The following CTIF variants were observed in gnomAD, a reference collection of about 807,000 sequenced individuals.
CTIF encodes CBP80/20-dependent translation initiation factor.
CTIF carries 21 observed loss-of-function variants against 66.0 expected under a neutral mutation model. The observed-to-expected ratio is 0.32, with a 90% CI of 0.23 to 0.46. The LOEUF (loss-of-function observed/expected upper bound fraction) is 0.46. Ranked by LOEUF, CTIF falls within the 20% of genes least tolerant of loss-of-function variation. The pLI, the probability that CTIF is intolerant of heterozygous loss-of-function variation, is 1.00. For synonymous variants in CTIF, 345 were observed against 326.4 expected, an observed-to-expected ratio of 1.06 and a Z score of -0.62; for missense variants, 739 against 812.7, an observed-to-expected ratio of 0.91 and a Z score of 1.10.
chr18:48,725,582 C>T (rs1038463699), intron 7 of CTIF, among the ~76,000 whole-genome samples: 5 of 152,152 alleles, frequency 3.3e-5, no homozygotes, highest in East Asian at 1.9e-4. Flanking sequence ...TACTCTCATG[C>T]GGCCCCTTTT....
chr18:48,820,032 G>C (rs559827428), intron 10 of CTIF, among the ~76,000 whole-genome samples: 36 of 152,320 alleles, frequency 2.4e-4, no homozygotes, highest in African/African-American at 8.4e-4. Context: ...CATCTAGGCT[G>C]ATGGGGCCTA....
At chr18:48,673,989 G>A (rs74396806) in intron 6 of CTIF, among the ~76,000 whole-genome samples, 1,648 of 152,228 alleles carry the variant, frequency 0.011, 12 homozygotes, top group Middle Eastern at 0.037. Context: ...ACATGCCCCC[G>A]CCCCAACTGC....
rs569023832 is a variant in CTIF, at chr18:48,592,983, T to C, written c.-28-26555T>C. On this transcript the variant is annotated intron_variant, in intron 1 of 11. Transcript: ENST00000256413. ...GGCCCAGAAGCAGTGGAACCACAGCTGGGCTGGTGTCTATACAGCCCATGT... is the reference window on the plus strand; with the variant it reads ...GGCCCAGAAGCAGTGGAACCACAGCCGGGCTGGTGTCTATACAGCCCATGT... Among the ~76,000 whole-genome samples, 104 of 152,362 alleles carry C rather than the reference T, an allele frequency of 6.8e-4. 1 individual carries two copies. Among genetic ancestry groups the C allele is most frequent in the African/African-American group, 2.5e-3 (102 of 41,592 alleles).
chr18:48,654,249 G>A (rs1440188212), intron 3 of CTIF, among the ~76,000 whole-genome samples: 2 of 151,966 alleles, frequency 1.3e-5, no homozygotes, highest in Admixed American at 1.3e-4. Context: ...CTAATATTCA[G>A]AATCTACAAA....
At chr18:48,788,149 G>A (rs1317149393) in intron 9 of CTIF, among the ~76,000 whole-genome samples, 1 of 152,172 alleles carries the variant, frequency 6.6e-6, no homozygotes, top group Non-Finnish European at 1.5e-5. Context: ...TAGCCTTTAG[G>A]CTGGGGGGAG....
chr18:48,733,224 C>T (rs753118332), intron 7 of CTIF, among the ~76,000 whole-genome samples: 1 of 142,624 alleles, frequency 7.0e-6, no homozygotes, highest in Non-Finnish European at 1.6e-5. Flanking sequence ...AGGGAGGAGG[C>T]GAGGAGGGGC....
intron 9 of CTIF, among the ~76,000 whole-genome samples, chr18:48,797,800 G>A (rs62103291): frequency 6.6e-6 from 1 of 152,120 alleles, no homozygotes; most frequent in Non-Finnish European, 1.5e-5. Flanking sequence ...ACCTGTGTGA[G>A]GTAACAGGGA....
At chr18:48,685,803 A>G (rs1209104466) in intron 6 of CTIF, among the ~76,000 whole-genome samples, 1 of 151,846 alleles carries the variant, frequency 6.6e-6, no homozygotes, top group Non-Finnish European at 1.5e-5. Flanking sequence ...CAGCCTCCCA[A>G]GTAGCTGGGA....
At position 48,559,524 on chromosome 18, in the gene CTIF, A is replaced by G. The variant is rs1192069212; in HGVS notation, c.-29+20212A>G. 4.6e-5 allele frequency among the ~76,000 whole-genome samples: 7 copies of G among 152,218 alleles called. No homozygotes were observed. In the East Asian group the frequency reaches 1.2e-3, roughly 25 times the overall value. ...CCAAAACTTAGTGGCTTAAACAGCA[A>G]TAATCCTTTGTCCTGCTCATGAGTC... On this transcript the variant is annotated intron_variant, in intron 1 of 11. Coordinates refer to ENST00000256413, the MANE Select transcript of CTIF (RefSeq NM_014772.3).
chr18:48,799,631 T>C (rs181206029), intron 9 of CTIF, among the ~76,000 whole-genome samples: 2 of 152,252 alleles, frequency 1.3e-5, no homozygotes, highest in African/African-American at 2.4e-5. Flanking sequence ...AATTTCATTT[T>C]CATGCCTTCT....
rs1385975193 is a variant in CTIF, at chr18:48,661,281, A to G, written c.253-2471A>G. Among the ~76,000 whole-genome samples, 3 of 152,236 alleles carry G rather than the reference A, an allele frequency of 2.0e-5. No homozygotes were observed. The East Asian group carries it at 5.8e-4, about 29-fold the overall frequency. ...TTTAACAGATCAGGGATTAGGGAAGACACGTGTGGAGGAGAGGCTTCAGGT... is the reference window on the plus strand; with the variant it reads ...TTTAACAGATCAGGGATTAGGGAAGGCACGTGTGGAGGAGAGGCTTCAGGT... On this transcript the variant is annotated intron_variant, in intron 3 of 11. Coordinates refer to ENST00000256413, the MANE Select transcript of CTIF (RefSeq NM_014772.3).
At chr18:48,692,168 A>G (rs2091936012) in intron 6 of CTIF, among the ~76,000 whole-genome samples, 1 of 152,174 alleles carries the variant, frequency 6.6e-6, no homozygotes, top group Non-Finnish European at 1.5e-5. Context: ...ACTAAATGAG[A>G]CTTAAGTTTT....
chr18:48,678,710 GCCT>G (rs1287979563), intron 6 of CTIF, among the ~76,000 whole-genome samples: 1 of 151,874 alleles, frequency 6.6e-6, no homozygotes, highest in Non-Finnish European at 1.5e-5. Flanking sequence ...TTCCACGCGG[GCCT>G]CCTCCTGCTC....
intron 7 of CTIF, among the ~76,000 whole-genome samples, chr18:48,738,054 GCCC>G (rs2092519447): frequency 6.6e-6 from 1 of 152,074 alleles, no homozygotes; most frequent in Non-Finnish European, 1.5e-5. Context: ...CCCCAAGCCT[GCCC>G]CACTCCCTCT....
intron 3 of CTIF, among the ~76,000 whole-genome samples, chr18:48,661,235 G>A (rs927813643): frequency 6.6e-6 from 1 of 152,220 alleles, no homozygotes; most frequent in Admixed American, 6.5e-5. Flanking sequence ...TGAATTTATA[G>A]GCGCCAGAGA....
chr18:48,860,211 G>C lies in CTIF; in HGVS notation c.*652G>C. On this transcript the variant is annotated 3_prime_UTR_variant, in exon 12 of 12. Transcript: ENST00000256413. Reference sequence around the variant, plus strand: ...CAGGCCTAGGGGGTCAGGCGCAGCGGGGGAGATGGAGTTTGCAGTTCCACT... The same window carrying C: ...CAGGCCTAGGGGGTCAGGCGCAGCGCGGGAGATGGAGTTTGCAGTTCCACT... 3.0e-6 allele frequency: 1 copy of C among 336,688 alleles called. No homozygotes were observed. 20.9% of individuals were successfully genotyped at this position (336,688 alleles called of 1,614,324 possible). A position where few individuals can be genotyped will look rare whatever the true frequency, so the allele number is the denominator to read the frequency against.
intron 7 of CTIF, among the ~76,000 whole-genome samples, chr18:48,734,451 C>G (rs775493448): frequency 6.6e-6 from 1 of 152,094 alleles, no homozygotes. Flanking sequence ...ATGTAGTCCC[C>G]GCTACTCGGG....
chr18:48,766,080 T>C (rs1909504627), intron 9 of CTIF, among the ~76,000 whole-genome samples: 1 of 149,852 alleles, frequency 6.7e-6, no homozygotes, highest in South Asian at 2.2e-4. Context: ...ATTAGGTATA[T>C]CTCCTAATGC....
chr18:48,824,162 G>A (rs2068538084), intron 10 of CTIF, among the ~76,000 whole-genome samples: 1 of 152,178 alleles, frequency 6.6e-6, no homozygotes, highest in Non-Finnish European at 1.5e-5. Context: ...TAGGAATAGA[G>A]TCAACCAAAG....
Sources: gnomAD v4.1 joint callset for allele counts (sites outside exome capture counted in the v4.1 genomes callset) on GRCh38, gnomAD v4.1.1 for gene constraint, MANE v1.5 for transcripts, NCBI Gene and HGNC (gene_info 2026-07-23, HGNC 2026-07-21) for gene names.